The following SYNPO2 variants were observed in gnomAD, a reference collection of about 807,000 sequenced individuals.
The protein encoded by SYNPO2 is synaptopodin 2, also known as synaptopodin-2.
SYNPO2 carries 56 observed loss-of-function variants against 85.0 expected under a neutral mutation model. That is an observed-to-expected ratio of 0.66 (90% CI 0.53 to 0.82). The LOEUF is 0.82. Among genes scored for constraint, SYNPO2 ranks in the 40% least tolerant of loss-of-function variants. The probability of loss-of-function intolerance (pLI) is 0.00; values close to 1 mark genes in which losing one functional copy is unlikely to be tolerated. For missense variants in SYNPO2, 1,575 were observed against 1,534.2 expected, an observed-to-expected ratio of 1.03 and a Z score of -0.44; for synonymous variants, 602 against 591.1, an observed-to-expected ratio of 1.02 and a Z score of -0.27.
intron 1 of SYNPO2, among the ~76,000 whole-genome samples, chr4:119,016,029 T>C (rs1439418050): frequency 1.3e-5 from 2 of 152,198 alleles, no homozygotes; most frequent in African/African-American, 4.8e-5. Context: ...ATTGATGAAA[T>C]AGACTGAGGA....
At chr4:119,012,393 T>TTTTTTTTTTTTTTTA (rs1553946399) in intron 1 of SYNPO2, among the ~76,000 whole-genome samples, 89 of 130,778 alleles carry the variant, frequency 6.8e-4, no homozygotes, top group Middle Eastern at 8.2e-3. Context: ...TTTTTTTTTT[T>TTTTTTTTTTTTTTTA]ATTTTACTTT....
chr4:118,869,120 C>T (rs1334788342), intron 1 of SYNPO2, among the ~76,000 whole-genome samples: 1 of 152,162 alleles, frequency 6.6e-6, no homozygotes, highest in African/African-American at 2.4e-5. Context: ...GGCTGGAGTG[C>T]AATGGCGCTC....
At chr4:118,891,042 T>C (rs10518319) in intron 1 of SYNPO2, among the ~76,000 whole-genome samples, 21,961 of 151,968 alleles carry the variant, frequency 0.14, 1,803 homozygotes, top group Non-Finnish European at 0.19. Flanking sequence ...GGCGATTCAC[T>C]GAAGAGCTGA....
chr4:118,949,797 AT>A (rs1734636980), intron 1 of SYNPO2, among the ~76,000 whole-genome samples: 1 of 152,012 alleles, frequency 6.6e-6, no homozygotes, highest in African/African-American at 2.4e-5. Context: ...TTACATGTCA[AT>A]CACTGAACTA....
chr4:119,030,196 A>T lies in SYNPO2; in HGVS notation c.1421A>T (p.Lys474Ile). Residue 474 changes from lysine to isoleucine, a missense_variant, in exon 4 of 5, where the codon AAA becomes ATA. Physicochemically the swap from Lys to Ile is moderately radical, Grantham distance 102 (BLOSUM62 -3). This residue lies in a region of SYNPO2 where 1,508 missense variants were observed against 1,446.8 expected (regional missense o/e 1.04). Coordinates refer to ENST00000307142, the MANE Select transcript of SYNPO2 (RefSeq NM_133477.3). Reference sequence around the variant, plus strand: ...TCTGGACTGGTGGACATTGAAAAGAAACTGAACAGAGGGGACAAGATGGAG... The same window carrying T: ...TCTGGACTGGTGGACATTGAAAAGATACTGAACAGAGGGGACAAGATGGAG... The part of the protein sequence containing the change: ...WDSGLVDIEK[K>I]LNRGDKMEML... 1 of 1,614,110 alleles carries T rather than the reference A, an allele frequency of 6.2e-7. No individual in the cohort carries two copies. Among genetic ancestry groups the T allele is most frequent in the Non-Finnish European group, 8.5e-7 (1 of 1,180,022 alleles).
chr4:118,891,150 C>A (rs1291064483), intron 1 of SYNPO2, among the ~76,000 whole-genome samples: 1 of 152,136 alleles, frequency 6.6e-6, no homozygotes, highest in Non-Finnish European at 1.5e-5. Context: ...AGAATCCAGT[C>A]CTACACTCCC....
At chr4:118,974,298 G>A (rs572453296) in intron 1 of SYNPO2, among the ~76,000 whole-genome samples, 2 of 152,246 alleles carry the variant, frequency 1.3e-5, no homozygotes, top group Non-Finnish European at 2.9e-5. Flanking sequence ...AGTTGTAGTG[G>A]TGGCTCTTTT....
At chr4:118,927,696 T>G (rs922697655) in intron 1 of SYNPO2, among the ~76,000 whole-genome samples, 17 of 116,330 alleles carry the variant, frequency 1.5e-4, no homozygotes, top group Non-Finnish European at 2.3e-4. Context: ...TATTAAACAA[T>G]GAGATAGATA....
At chr4:118,927,742 A>AGATAGATAGATAGATG (rs1553938501) in intron 1 of SYNPO2, among the ~76,000 whole-genome samples, 2 of 113,360 alleles carry the variant, frequency 1.8e-5, no homozygotes, top group African/African-American at 3.5e-5. Context: ...ATAGATAGAT[A>AGATAGATAGATAGATG]GATAGATGAT....
At chr4:118,976,294 C>G (rs528050295) in intron 1 of SYNPO2, among the ~76,000 whole-genome samples, 1 of 151,990 alleles carries the variant, frequency 6.6e-6, no homozygotes, top group Non-Finnish European at 1.5e-5. Flanking sequence ...CTTAAGGCAG[C>G]GCGTCTGGAG....
intron 1 of SYNPO2, among the ~76,000 whole-genome samples, chr4:119,004,803 C>G (rs939904241): frequency 5.3e-5 from 8 of 152,058 alleles, no homozygotes; most frequent in Non-Finnish European, 1.0e-4. Context: ...AATCGCCACA[C>G]TGACTTCCAC....
At chr4:118,937,931 A>G (rs1443910894) in intron 1 of SYNPO2, among the ~76,000 whole-genome samples, 1 of 152,222 alleles carries the variant, frequency 6.6e-6, no homozygotes, top group Non-Finnish European at 1.5e-5. Context: ...ATATACTTAA[A>G]TCATTTCTAG....
rs1433630088 is a variant in SYNPO2 at position 119,003,677 on chromosome 4, C to T, written c.106-19753C>T. Among the ~76,000 whole-genome samples the T allele has an allele frequency of 2.0e-5, 3 of 152,088 alleles. No homozygotes were observed. In the East Asian group the frequency reaches 5.8e-4, roughly 29 times the overall value. ...CCTCCCAGTATAGTCTCTATGTTTG[C>T]ATTCTGCCTTTTTAGTATCTTTTAT... On this transcript the variant is annotated intron_variant, in intron 1 of 4. Coordinates refer to ENST00000307142, the MANE Select transcript of SYNPO2 (RefSeq NM_133477.3).
rs971624448 is a variant in SYNPO2 at position 119,058,066 on chromosome 4, G to C, written c.*132G>C. On this transcript the variant is annotated 3_prime_UTR_variant, in exon 5 of 5. Transcript: ENST00000307142. ...TTGTTCTCATAAGTCATTTATCTAA[G>C]TTTGTGTTTCTGTGTGTGTGTGTGT... 4.2e-6 allele frequency: 4 copies of C among 944,544 alleles called. No homozygotes were observed. Among genetic ancestry groups the C allele is most frequent in the Admixed American group, 3.5e-5 (1 of 28,420 alleles). 58.5% of individuals were successfully genotyped at this position (944,544 alleles called of 1,614,324 possible). A position where few individuals can be genotyped will look rare whatever the true frequency, so the allele number is the denominator to read the frequency against.
chr4:118,968,570 A>G (rs1735402827), intron 1 of SYNPO2, among the ~76,000 whole-genome samples: 2 of 152,182 alleles, frequency 1.3e-5, no homozygotes, highest in African/African-American at 4.8e-5. Context: ...ATTTAGTAAA[A>G]TTTCTGACCA....
intron 1 of SYNPO2, among the ~76,000 whole-genome samples, chr4:118,879,481 A>AAG (rs1491401017): frequency 2.0e-5 from 3 of 152,172 alleles, no homozygotes; most frequent in Admixed American, 2.0e-4. Flanking sequence ...CGAGAGACAC[A>AAG]AGAGAGATGA....
At chr4:119,007,727 C>T (rs1485616745) in intron 1 of SYNPO2, among the ~76,000 whole-genome samples, 1 of 152,116 alleles carries the variant, frequency 6.6e-6, no homozygotes, top group Non-Finnish European at 1.5e-5. Flanking sequence ...CCTACAATCA[C>T]ATCCTTTCCT....
intron 1 of SYNPO2, among the ~76,000 whole-genome samples, chr4:118,963,474 G>A (rs1299192294): frequency 6.6e-6 from 1 of 152,134 alleles, no homozygotes; most frequent in Admixed American, 6.5e-5. Context: ...TATTTAGACT[G>A]GACTGAAAAA....
At chr4:119,032,929 T>TGTC in intron 4 of SYNPO2, 3 of 905,324 alleles carry the variant, frequency 3.3e-6, no homozygotes, top group Non-Finnish European at 4.0e-6. Flanking sequence ...AAAGGTTGAT[T>TGTC]CCCACCCTCC....
Sources: gnomAD v4.1 joint callset for allele counts (sites outside exome capture counted in the v4.1 genomes callset) on GRCh38, gnomAD v4.1.1 for gene constraint, gnomAD v4.1.1 regional missense constraint, MANE v1.5 for transcripts, NCBI Gene and HGNC (gene_info 2026-07-23, HGNC 2026-07-21) for gene names.